The following CNOT2 variants were observed in gnomAD, a reference collection of about 807,000 sequenced individuals.
CNOT2 encodes CC chemokine receptor 4-negative regulator of transcription 2.
Under a neutral mutation model 72.1 loss-of-function variants are expected in CNOT2, and 7 were observed. The ratio of observed to expected loss-of-function variants is 0.10; its 90% CI spans 0.06 to 0.18. CNOT2 has a LOEUF of 0.18. Ranked by LOEUF, CNOT2 falls within the 10% of genes least tolerant of loss-of-function variation. The pLI, the probability that CNOT2 is intolerant of heterozygous loss-of-function variation, is 1.00. For synonymous variants in CNOT2, 196 were observed against 225.6 expected (o/e 0.87, Z 1.17); for missense variants, 345 against 660.3 (o/e 0.52, Z 5.23).
intron 1 of CNOT2, among the ~76,000 whole-genome samples, chr12:70,266,888 T>C (rs1959074611): frequency 6.6e-6 from 1 of 152,126 alleles, no homozygotes; most frequent in Admixed American, 6.5e-5. Context: ...TTTTGGACTA[T>C]CTATATCTAA....
At position 70,304,498 on chromosome 12, in the gene CNOT2, C is replaced by T. The variant is rs1380654709; in HGVS notation, c.49-6397C>T. On this transcript the variant is annotated intron_variant, in intron 2 of 15. Transcript: ENST00000229195. ...ACCCTGTTTGCCTGGGTATCAGCAG[C>T]GGTGGCTGCAGAAGAGCAGATATTG... 7.9e-5 allele frequency among the ~76,000 whole-genome samples: 12 copies of T among 152,186 alleles called. No individual in the cohort carries two copies. In the East Asian group the frequency reaches 2.1e-3, roughly 27 times the overall value.
chr12:70,313,561 T>C (rs898647237), intron 3 of CNOT2, among the ~76,000 whole-genome samples: 7 of 152,074 alleles, frequency 4.6e-5, no homozygotes, highest in African/African-American at 1.7e-4. Context: ...TTTTTTTTTC[T>C]ACAAGCTTAT....
intron 9 of CNOT2, 116 bp from the exon 10 acceptor site, chr12:70,338,327 A>G: frequency 1.2e-6 from 1 of 845,776 alleles, no homozygotes; most frequent in Non-Finnish European, 1.8e-6. Flanking sequence ...AAAACAGGTA[A>G]TAATTTAACT....
At chr12:70,308,963 A>T (rs1326485456) in intron 2 of CNOT2, among the ~76,000 whole-genome samples, 1 of 152,158 alleles carries the variant, frequency 6.6e-6, no homozygotes, top group Non-Finnish European at 1.5e-5. Flanking sequence ...CAATAGTAAG[A>T]GTTCTATAAA....
chr12:70,296,616 A>G (rs74101489), intron 2 of CNOT2, among the ~76,000 whole-genome samples: 3,654 of 151,740 alleles, frequency 0.024, 143 homozygotes, highest in African/African-American at 0.083. Flanking sequence ...ATAGTATTCT[A>G]GAACTCGGAG....
At chr12:70,319,071 C>A in intron 3 of CNOT2, 1 of 347,136 alleles carries the variant, frequency 2.9e-6, no homozygotes, top group East Asian at 4.4e-5. Flanking sequence ...TTTTAGAAAA[C>A]TTATAGTATT....
Position 70,286,263 on chromosome 12 carries a change from C to T in CNOT2, c.48+7989C>T, listed in dbSNP as rs565179654. 2.0e-3 allele frequency among the ~76,000 whole-genome samples: 296 copies of T among 148,736 alleles called. 9 individuals are homozygous for T. The highest frequency in any genetic ancestry group is 7.1e-3 in the African/African-American group (291 of 41,156). ...TGGGAGTGTTTATACCAATTTTGAG[C>T]CCCATCAGTAGTCCTCATATTCATC... On this transcript the variant is annotated intron_variant, in intron 2 of 15. Coordinates refer to ENST00000229195, the MANE Select transcript of CNOT2 (RefSeq NM_014515.7).
chr12:70,346,489 C>G (rs1375954916), intron 15 of CNOT2, 165 bp downstream of exon 15: 1 of 478,122 alleles, frequency 2.1e-6, no homozygotes, highest in African/African-American at 2.0e-5. Flanking sequence ...AAGAGTGTCC[C>G]AAAACAATTG....
intron 1 of CNOT2, among the ~76,000 whole-genome samples, chr12:70,262,440 AT>A (rs897679118): frequency 3.0e-4 from 45 of 151,008 alleles, no homozygotes; most frequent in African/African-American, 1.0e-3. Context: ...CACCCGGTCA[AT>A]TTTTTTGTAT....
At chr12:70,254,594 T>C (rs1353648534) in intron 1 of CNOT2, among the ~76,000 whole-genome samples, 1 of 152,214 alleles carries the variant, frequency 6.6e-6, no homozygotes, top group African/African-American at 2.4e-5. Flanking sequence ...TGTAGTTTCT[T>C]AAGTTGTATG....
At chr12:70,300,233 A>G (rs927423521) in intron 2 of CNOT2, among the ~76,000 whole-genome samples, 2 of 152,058 alleles carry the variant, frequency 1.3e-5, no homozygotes, top group African/African-American at 4.8e-5. Flanking sequence ...ATTAGATCCC[A>G]TTTGTCAATT....
Position 70,354,735 on chromosome 12 carries a change from A to G in CNOT2, c.*820A>G, listed in dbSNP as rs556306869. On this transcript the variant is annotated 3_prime_UTR_variant, in exon 16 of 16. Transcript: ENST00000229195. ...TTTTTAGGAGGTGTGCATGGATGCAATATATGAAAATGGGACATTCTGGAA... is the reference window on the plus strand; with the variant it reads ...TTTTTAGGAGGTGTGCATGGATGCAGTATATGAAAATGGGACATTCTGGAA... The G allele has an allele frequency of 1.0e-4, 16 of 152,718 alleles. No individual in the cohort carries two copies. The highest frequency in any genetic ancestry group is 1.9e-4 in the East Asian group (1 of 5,186). The allele number at this position is 152,718 out of a possible 1,614,324, so 9.5% of individuals were successfully genotyped here. A position where few individuals can be genotyped will look rare whatever the true frequency, so the allele number is the denominator to read the frequency against.
intron 2 of CNOT2, among the ~76,000 whole-genome samples, chr12:70,293,031 G>A (rs1872183259): frequency 1.3e-5 from 2 of 152,062 alleles, no homozygotes; most frequent in South Asian, 4.1e-4. Flanking sequence ...CTATTGAACA[G>A]ATGTCTTAAA....
At chr12:70,308,578 T>TCA (rs1357781449) in intron 2 of CNOT2, among the ~76,000 whole-genome samples, 1 of 145,800 alleles carries the variant, frequency 6.9e-6, no homozygotes. Flanking sequence ...TCTCTCTCTC[T>TCA]CTCTCTCACA....
At chr12:70,304,917 C>T (rs1348450777) in intron 2 of CNOT2, among the ~76,000 whole-genome samples, 1 of 152,218 alleles carries the variant, frequency 6.6e-6, no homozygotes, top group East Asian at 1.9e-4. Flanking sequence ...GCAGTTTGAT[C>T]TCAGACTGCT....
intron 4 of CNOT2, chr12:70,323,100 T>C (rs1593232627): frequency 6.6e-6 from 1 of 151,570 alleles, no homozygotes; most frequent in South Asian, 2.1e-4. Flanking sequence ...AGGGAAGCTA[T>C]AGTGGTATGG....
At chr12:70,324,389 A>C (rs1284295705) in intron 4 of CNOT2, 1 of 150,188 alleles carries the variant, frequency 6.7e-6, no homozygotes, top group Non-Finnish European at 1.5e-5. Context: ...TAGTCCAGGC[A>C]AAAAAAAATG....
intron 14 of CNOT2, chr12:70,345,089 T>A (rs886622604): frequency 6.6e-6 from 1 of 152,226 alleles, no homozygotes; most frequent in South Asian, 2.1e-4. Context: ...AAATTAAGTT[T>A]TCTGTCGTTA....
chr12:70,332,902 T>C, intron 7 of CNOT2, 56 bp downstream of exon 7: 2 of 1,506,478 alleles, frequency 1.3e-6, no homozygotes, highest in East Asian at 2.4e-5. Flanking sequence ...TTATGAAATA[T>C]AAAGCAATTC....
Sources: allele counts gnomAD v4.1 joint callset (sites outside exome capture counted in the v4.1 genomes callset), GRCh38; gene constraint gnomAD v4.1.1; transcripts MANE v1.5; gene names NCBI Gene and HGNC (gene_info 2026-07-23, HGNC 2026-07-21).